NGDN: variants seen among roughly 807,000 people sequenced by gnomAD.
NGDN encodes neuroguidin, also known as EIF4E-binding protein.
NGDN carries 41 observed loss-of-function variants against 45.2 expected under a neutral mutation model. The observed-to-expected ratio is 0.91, with a 90% CI of 0.71 to 1.18. NGDN has a LOEUF of 1.18. NGDN is among the 50% of genes most tolerant of loss of function. NGDN has a pLI of 0.00. For missense variants in NGDN, 402 were observed against 399.9 expected, an observed-to-expected ratio of 1.01 and a Z score of -0.05; for synonymous variants, 137 against 130.9, an observed-to-expected ratio of 1.05 and a Z score of -0.32.
At chr14:23,470,240 A>G in intron 2 of NGDN, 139 bp downstream of exon 2, 1 of 670,496 alleles carries the variant, frequency 1.5e-6, no homozygotes, top group East Asian at 2.8e-5. Flanking sequence ...AAACCTTTTC[A>G]CGCCAGAATT....
At chr14:23,476,440 A>C in intron 8 of NGDN, 33 bp downstream of exon 8, 2 of 1,575,472 alleles carry the variant, frequency 1.3e-6, no homozygotes, top group Non-Finnish European at 1.7e-6. Context: ...TTATTCCTGC[A>C]CTCTAGAGTC....
rs1374025739 is a variant in NGDN, at chr14:23,475,902, G to A, written c.420+124G>A. ...GATTTTCCAACTTGTGTGTTAGAATGCTGAGTTTGAGATTCCCTTTTTTCC... is the reference window on the plus strand; with the variant it reads ...GATTTTCCAACTTGTGTGTTAGAATACTGAGTTTGAGATTCCCTTTTTTCC... On this transcript the variant is annotated intron_variant, in intron 6 of 10. Transcript: ENST00000408901. 2.1e-6 allele frequency: 3 copies of A among 1,463,344 alleles called. No homozygotes were observed. The East Asian group carries it at 6.8e-5, about 33-fold the overall frequency. 90.6% of individuals were successfully genotyped at this position (1,463,344 alleles called of 1,614,324 possible).
chr14:23,477,878 G>A (rs1407844849), intron 10 of NGDN, 129 bp from the exon 11 acceptor site: 15 of 1,568,250 alleles, frequency 9.6e-6, no homozygotes, highest in African/African-American at 1.4e-5. Flanking sequence ...TTTTGTCCTG[G>A]GAAGATATTC....
At chr14:23,477,049 A>G (rs535606100) in intron 8 of NGDN, 151 bp from the exon 9 acceptor site, 183 of 671,984 alleles carry the variant, frequency 2.7e-4, no homozygotes, top group Non-Finnish European at 3.4e-4. Flanking sequence ...TGAGCATTCA[A>G]TATGTCCTTA....
intron 4 of NGDN, 87 bp downstream of exon 4, chr14:23,475,395 C>A: frequency 7.1e-7 from 1 of 1,416,586 alleles, no homozygotes; most frequent in Non-Finnish European, 9.7e-7. Flanking sequence ...TTAAGTGAGT[C>A]TTCTCATGTT....
At chr14:23,470,617 C>T (rs180783207) in intron 2 of NGDN, among the ~76,000 whole-genome samples, 1 of 152,274 alleles carries the variant, frequency 6.6e-6, no homozygotes, top group Non-Finnish European at 1.5e-5. Context: ...GTAAGTTCAA[C>T]TAGTACAAAC....
chr14:23,475,674 G>A (rs1001025190), intron 5 of NGDN, 32 bp downstream of exon 5: 20 of 1,613,394 alleles, frequency 1.2e-5, no homozygotes, highest in Non-Finnish European at 1.7e-5. Flanking sequence ...AAGTTGTGGG[G>A]ACCATCAGAA....
At chr14:23,476,475 TGACTAA>T in intron 8 of NGDN, 68 bp downstream of exon 8, 1 of 1,300,608 alleles carries the variant, frequency 7.7e-7, no homozygotes, top group Non-Finnish European at 1.0e-6. Flanking sequence ...TATACTAATG[TGACTAA>T]GTTTGGTACC....
At chr14:23,470,288 A>G in intron 2 of NGDN, 187 bp downstream of exon 2, 1 of 567,190 alleles carries the variant, frequency 1.8e-6, no homozygotes. Context: ...AATACAAGAA[A>G]CTCCAAAAAG....
intron 3 of NGDN, among the ~76,000 whole-genome samples, chr14:23,473,773 T>C (rs1893836976): frequency 6.6e-6 from 1 of 152,226 alleles, no homozygotes; most frequent in Non-Finnish European, 1.5e-5. Context: ...TAGTTATCTT[T>C]CTGTAAGCAC....
intron 8 of NGDN, among the ~76,000 whole-genome samples, chr14:23,476,841 C>T (rs937760837): frequency 2.0e-5 from 3 of 152,154 alleles, no homozygotes; most frequent in African/African-American, 7.2e-5. Flanking sequence ...AATACAGACT[C>T]GTCAACTTTG....
rs570562256 is a variant in NGDN, at chr14:23,472,025, A to G, written c.144+1048A>G. Among the ~76,000 whole-genome samples, 11 of 151,316 alleles carry G rather than the reference A, an allele frequency of 7.3e-5. No individual in the cohort carries two copies. The South Asian group carries it at 2.1e-3, about 29-fold the overall frequency. ...GGGCAATGTGGTGAGACCTATCTCT[A>G]TAAAAAAAAATTAGCTGGGCGCAGT... On this transcript the variant is annotated intron_variant, in intron 3 of 10. Transcript: ENST00000408901.
intron 1 of NGDN, 122 bp from the exon 2 acceptor site, chr14:23,469,920 T>G: frequency 1.6e-6 from 2 of 1,236,768 alleles, no homozygotes; most frequent in Non-Finnish European, 1.2e-6. Context: ...TGAACCCGAG[T>G]GTGAAGGCCC....
Position 23,470,010 on chromosome 14 carries a change from A to G in NGDN, c.13-32A>G. 4 of 1,608,304 alleles carry G rather than the reference A, an allele frequency of 2.5e-6. No individual in the cohort carries two copies. In the South Asian group the frequency reaches 4.4e-5, roughly 18 times the overall value. ...TTCCTATAATCCTGAGGAAAGAATG[A>G]CTTTTCTTTACGCCTCCTCTCCCTT... On this transcript the variant is annotated intron_variant, in intron 1 of 10. Coordinates refer to ENST00000408901, the MANE Select transcript of NGDN (RefSeq NM_001042635.2).
chr14:23,470,091 T>G lies in NGDN; in HGVS notation c.62T>G (p.Leu21Arg), dbSNP rs1420773229. The G allele has an allele frequency of 6.2e-7, 1 of 1,613,956 alleles. No homozygotes were observed. The highest frequency in any genetic ancestry group is 8.5e-7 in the Non-Finnish European group (1 of 1,179,928). The stretch of plus-strand genomic sequence containing the variant: ...AGTGCCGTGACACTTCTGAAAAATC[T>G]CCAGGAGCAAGTGAGTAGTGTCGCC... Reference protein sequence around the residue: ...LPSAVTLLKNLQEQVMAVTAQ... With the variant: ...LPSAVTLLKNRQEQVMAVTAQ... Residue 21 changes from leucine (L) to arginine (R), a missense_variant, in exon 2 of 11, where the codon CTC becomes CGC. Transcript: ENST00000408901.
chr14:23,475,185 G>T lies in NGDN; in HGVS notation c.159G>T (p.Leu53Phe), dbSNP rs1233839008. The change falls in exon 4 of 11, where the codon TTG (leucine) becomes TTT (phenylalanine). Residue 53 changes from leucine to phenylalanine, a missense_variant. Leu to Phe is a conservative substitution (Grantham distance 22). Transcript: ENST00000408901. ...GTTCAACTCAGGGTCTCAGCTTCTT[G>T]GAAGTGAAAGACCAGCTGCTGCTCA... The part of the protein sequence containing the change: ...AYPTEKGLSF[L>F]EVKDQLLLMY... 1 of 1,612,380 alleles carries T rather than the reference G, an allele frequency of 6.2e-7. No individual in the cohort carries two copies. The highest frequency in any genetic ancestry group is 1.1e-5 in the South Asian group (1 of 90,684).
chr14:23,473,653 C>T (rs1401144670), intron 3 of NGDN, among the ~76,000 whole-genome samples: 2 of 151,898 alleles, frequency 1.3e-5, no homozygotes, highest in African/African-American at 2.4e-5. Context: ...GGCGAAACCC[C>T]GTCTCTTAAA....
intron 2 of NGDN, among the ~76,000 whole-genome samples, 169 bp from the exon 3 acceptor site, chr14:23,470,737 T>C (rs1436059850): frequency 6.6e-6 from 1 of 152,204 alleles, no homozygotes; most frequent in African/African-American, 2.4e-5. Context: ...TTTTTAAACT[T>C]TTTGAAGAAC....
intron 3 of NGDN, among the ~76,000 whole-genome samples, chr14:23,474,307 T>G (rs553195406): frequency 6.6e-6 from 1 of 152,220 alleles, no homozygotes; most frequent in African/African-American, 2.4e-5. Context: ...CTCTCTGAAA[T>G]AGGTTTTCTC....
Sources: gnomAD v4.1 joint callset for allele counts (sites outside exome capture counted in the v4.1 genomes callset) on GRCh38, gnomAD v4.1.1 for gene constraint, MANE v1.5 for transcripts, NCBI Gene and HGNC (gene_info 2026-07-23, HGNC 2026-07-21) for gene names.